Variants in GET1 observed in about 807,000 individuals in gnomAD.
The protein encoded by GET1 is congenital heart disease 5 protein.
Under a neutral mutation model 22.6 loss-of-function variants are expected in GET1, and 20 were observed. The observed-to-expected ratio is 0.89, with a 90% confidence interval of 0.62 to 1.29. The LOEUF (loss-of-function observed/expected upper bound fraction) is 1.29, where lower values mean the gene tolerates loss of function less well. Ranked by LOEUF, GET1 falls within the 50% of genes most tolerant of loss-of-function variation. The probability of loss-of-function intolerance (pLI) is 0.00; values close to 1 mark genes in which losing one functional copy is unlikely to be tolerated. For missense variants in GET1, 209 were observed against 219.9 expected (o/e 0.95, Z 0.31); for synonymous variants, 92 against 83.8 (o/e 1.10, Z -0.53).
intron 1 of GET1, chr21:39,423,186 A>G (rs773465740): frequency 6.2e-7 from 1 of 1,613,032 alleles, no homozygotes; most frequent in East Asian, 2.2e-5. Flanking sequence ...GTTGCCTTAA[A>G]TTTTTTACTT....
chr21:39,387,760 C>G (rs573044483), intron 1 of GET1: 10 of 985,364 alleles, frequency 1.0e-5, no homozygotes, highest in Non-Finnish European at 1.2e-5. Flanking sequence ...TCAGAAACCA[C>G]GCGCATGCGC....
In GET1 at chr21:39,390,686, C is replaced by T. The variant is rs746395072; in HGVS notation, c.103-12C>T. 1 of 1,613,688 alleles carries T rather than the reference C, an allele frequency of 6.2e-7. No individual in the cohort carries two copies. Among genetic ancestry groups the T allele is most frequent in the Non-Finnish European group, 8.5e-7 (1 of 1,179,858 alleles). On this transcript the variant is annotated splice_polypyrimidine_tract_variant and intron_variant, in intron 1 of 4. Transcript: ENST00000649170. The stretch of plus-strand genomic sequence containing the variant: ...GTTGGAAGGTGCTGATCCCCGTTGT[C>T]CGCCCTGCCAGATGTCCAGGGTGCT...
chr21:39,400,954 A>G (rs2038824112), downstream of GET1, among the ~76,000 whole-genome samples: 1 of 151,388 alleles, frequency 6.6e-6, no homozygotes, highest in African/African-American at 2.4e-5. Flanking sequence ...TCTGTCACCC[A>G]GGCTGGAGTG....
chr21:39,388,055 T>G (rs2038041839), intron 1 of GET1, among the ~76,000 whole-genome samples: 1 of 152,148 alleles, frequency 6.6e-6, no homozygotes, highest in South Asian at 2.1e-4. Flanking sequence ...CCAAACCCCC[T>G]CATTCCGAGA....
At chr21:39,425,361 T>C (rs1228292826) in intron 1 of GET1, among the ~76,000 whole-genome samples, 1 of 152,166 alleles carries the variant, frequency 6.6e-6, no homozygotes, top group Non-Finnish European at 1.5e-5. Flanking sequence ...GATAAAACAT[T>C]TGAATCATAA....
At chr21:39,426,983 C>T (rs1159019282) in intron 1 of GET1, among the ~76,000 whole-genome samples, 1 of 152,244 alleles carries the variant, frequency 6.6e-6, no homozygotes, top group Non-Finnish European at 1.5e-5. Flanking sequence ...ATGGGGTTCA[C>T]AGACATGTGT....
intron 1 of GET1, among the ~76,000 whole-genome samples, chr21:39,386,857 T>G (rs2037940210): frequency 6.6e-6 from 1 of 151,336 alleles, no homozygotes; most frequent in Non-Finnish European, 1.5e-5. Flanking sequence ...AACTTTTTTT[T>G]TTTTAGAGAC....
chr21:39,409,976 T>C (rs1349174150), downstream of GET1: 20 of 1,440,896 alleles, frequency 1.4e-5, no homozygotes, highest in Non-Finnish European at 1.7e-5. The surrounding 1 kb of genome is among the most constrained non-coding windows in gnomAD (Gnocchi z 4.2). Context: ...GAGTTAAAAT[T>C]ACCTTCATAT....
Position 39,380,449 on chromosome 21 carries a change from A to G in GET1, c.65A>G (p.Asn22Ser), listed in dbSNP as rs899026804. 29 of 1,613,204 alleles carry G rather than the reference A, an allele frequency of 1.8e-5. 1 individual carries two copies. The highest frequency in any genetic ancestry group is 4.0e-5 in the African/African-American group (3 of 74,912). Reference sequence around the variant, plus strand: ...GTGCTCAGCTTCGTGTTTGGATGCAATGTTCTTAGGATCCTCCTCCCGTCC... The same window carrying G: ...GTGCTCAGCTTCGTGTTTGGATGCAGTGTTCTTAGGATCCTCCTCCCGTCC... ...LLVLSFVFGC[N>S]VLRILLPSFS... The change falls in exon 1 of 5, where the codon AAT becomes AGT. Residue 22 changes from asparagine (N) to serine (S), a missense_variant. By Grantham distance (46) the Asn-to-Ser change is conservative (BLOSUM62 1). Coordinates refer to ENST00000649170, the MANE Select transcript of GET1 (RefSeq NM_004627.6).
At chr21:39,403,413 G>A (rs2038889945) in intron 4 of GET1, among the ~76,000 whole-genome samples, 3 of 151,580 alleles carry the variant, frequency 2.0e-5, no homozygotes, top group African/African-American at 7.3e-5. Context: ...TGCAAGCTCC[G>A]CCTCCCGGGT....
At chr21:39,398,421 C>G (rs187962660), downstream of GET1, among the ~76,000 whole-genome samples, 1 of 152,060 alleles carries the variant, frequency 6.6e-6, no homozygotes, top group Non-Finnish European at 1.5e-5. Flanking sequence ...TGATGATACC[C>G]GTATCTCTTA....
chr21:39,396,252 G>T (rs939131360), intron 4 of GET1, among the ~76,000 whole-genome samples: 4 of 152,030 alleles, frequency 2.6e-5, no homozygotes, highest in Admixed American at 2.0e-4. Flanking sequence ...AAAATTAGCC[G>T]GGTGTCGGCC....
chr21:39,397,939 A>G (rs1262705415), downstream of GET1: 1 of 152,172 alleles, frequency 6.6e-6, no homozygotes, highest in Non-Finnish European at 1.5e-5. Flanking sequence ...TGATCTAATA[A>G]GTAGTTTGTT....
At chr21:39,423,859 A>C (rs986613263) in intron 1 of GET1, among the ~76,000 whole-genome samples, 14 of 152,166 alleles carry the variant, frequency 9.2e-5, no homozygotes, top group African/African-American at 3.4e-4. Flanking sequence ...GCTAGACTAA[A>C]AGCTGTGATA....
intron 4 of GET1, among the ~76,000 whole-genome samples, chr21:39,403,535 C>T (rs1222824877): frequency 3.1e-5 from 4 of 129,590 alleles, no homozygotes; most frequent in African/African-American, 6.7e-5. Context: ...CCGTGTTAGC[C>T]AGGATGGTCT....
At chr21:39,428,089 A>C in intron 1 of GET1, 1 of 765,538 alleles carries the variant, frequency 1.3e-6, no homozygotes, top group South Asian at 1.8e-5. Flanking sequence ...AAAACTGAGT[A>C]TGAACCACTT....
chr21:39,405,260 C>T (rs554817820), intron 4 of GET1, among the ~76,000 whole-genome samples: 5 of 152,264 alleles, frequency 3.3e-5, no homozygotes, highest in East Asian at 1.9e-4. Context: ...TGCAGTGGCA[C>T]GATCATGCTC....
intron 1 of GET1, chr21:39,414,070 A>T (rs1234237695): frequency 6.6e-6 from 1 of 152,244 alleles, no homozygotes; most frequent in African/African-American, 2.4e-5. Flanking sequence ...AACCCGGGAT[A>T]CTTGTGTGGT....
At chr21:39,425,607 G>A (rs1270059397) in intron 1 of GET1, among the ~76,000 whole-genome samples, 6 of 152,116 alleles carry the variant, frequency 3.9e-5, no homozygotes, top group South Asian at 4.1e-4. Flanking sequence ...TGTTGAGGCC[G>A]TACACTTTAA....
Sources: gnomAD v4.1 joint callset for allele counts (sites outside exome capture counted in the v4.1 genomes callset) on GRCh38, gnomAD v4.1.1 for gene constraint, Gnocchi (gnomAD v3.1) non-coding constraint, MANE v1.5 for transcripts, NCBI Gene and HGNC (gene_info 2026-07-23, HGNC 2026-07-21) for gene names.